The following C17orf67 variants were observed in gnomAD, a reference collection of about 807,000 sequenced individuals.
C17orf67 encodes the protein uncharacterized protein C17orf67.
In C17orf67, 12 loss-of-function variants were observed where a neutral mutation model predicts 11.2. That is an observed-to-expected ratio of 1.07 (90% CI 0.68 to 1.73). C17orf67 has a LOEUF of 1.73. Ranked by LOEUF, C17orf67 falls within the 40% of genes most tolerant of loss-of-function variation. The pLI, the probability that C17orf67 is intolerant of heterozygous loss-of-function variation, is 0.00. For missense variants in C17orf67, 115 were observed against 113.5 expected (o/e 1.01, Z -0.06); for synonymous variants, 59 against 46.9 (o/e 1.26, Z -1.05).
chr17:56,807,195 A>G (rs1051531477), intron 6 of C17orf67, among the ~76,000 whole-genome samples: 2 of 152,348 alleles, frequency 1.3e-5, no homozygotes, highest in Admixed American at 1.3e-4. Flanking sequence ...AATCCAGTAA[A>G]GGAAACCTAG....
intron 6 of C17orf67, among the ~76,000 whole-genome samples, chr17:56,805,574 AT>A (rs1436167888): frequency 6.6e-6 from 1 of 152,254 alleles, no homozygotes; most frequent in Non-Finnish European, 1.5e-5. Flanking sequence ...AATATTAAAA[AT>A]AACATGAATT....
chr17:56,806,411 A>G (rs1348274125), intron 6 of C17orf67, among the ~76,000 whole-genome samples: 1 of 152,230 alleles, frequency 6.6e-6, no homozygotes, highest in East Asian at 1.9e-4. Flanking sequence ...CACCACCTTT[A>G]ATCCTAGTCT....
intron 5 of C17orf67, 119 bp from the exon 6 acceptor site, chr17:56,815,088 C>G (rs765793406): frequency 1.5e-5 from 12 of 823,550 alleles, no homozygotes; most frequent in Non-Finnish European, 2.5e-5. Flanking sequence ...AAAGTTCTTT[C>G]CCGGGGACCT....
intron 6 of C17orf67, among the ~76,000 whole-genome samples, chr17:56,800,167 G>A (rs955473065): frequency 2.1e-5 from 3 of 143,372 alleles, no homozygotes; most frequent in African/African-American, 5.1e-5. Flanking sequence ...CCGGGTTCAC[G>A]CCATTCTCCT....
chr17:56,820,679 T>C (rs1269612875), intron 4 of C17orf67, among the ~76,000 whole-genome samples: 3 of 152,124 alleles, frequency 2.0e-5, no homozygotes, highest in Admixed American at 1.3e-4. Flanking sequence ...TGTTAACTAT[T>C]TGATAACATT....
chr17:56,814,739 G>A (rs775659589), intron 6 of C17orf67, 130 bp downstream of exon 6: 15 of 845,872 alleles, frequency 1.8e-5, no homozygotes, highest in Non-Finnish European at 2.7e-5. Flanking sequence ...TGAGATTGCA[G>A]CTATCTTCTA....
Position 56,815,908 on chromosome 17 carries a change from T to G in C17orf67, c.-98A>C. The G allele has an allele frequency of 6.3e-7, 1 of 1,594,316 alleles. No individual in the cohort carries two copies. The highest frequency in any genetic ancestry group is 8.6e-7 in the Non-Finnish European group (1 of 1,168,634). ...GCCAGGCCCTGCGCTTGTTTATGCTTTGACTAACGGGACTTACGGTATGAT... is the reference window on the plus strand; with the variant it reads ...GCCAGGCCCTGCGCTTGTTTATGCTGTGACTAACGGGACTTACGGTATGAT... On this transcript the variant is annotated 5_prime_UTR_variant, in exon 5 of 8. Transcript: ENST00000397861.
chr17:56,829,807 T>C (rs1487040647), intron 2 of C17orf67, among the ~76,000 whole-genome samples: 1 of 152,248 alleles, frequency 6.6e-6, no homozygotes, highest in Non-Finnish European at 1.5e-5. Context: ...GCCTCATCTT[T>C]TGCTCAAACT....
At chr17:56,807,902 ATAATAAAT>A (rs1905493587) in intron 6 of C17orf67, among the ~76,000 whole-genome samples, 3 of 85,654 alleles carry the variant, frequency 3.5e-5, no homozygotes, top group Admixed American at 3.3e-4. Context: ...AAATAAATAA[ATAATAAAT>A]AAATAAATAA....
At chr17:56,819,913 G>T (rs1905857872) in intron 4 of C17orf67, among the ~76,000 whole-genome samples, 1 of 152,166 alleles carries the variant, frequency 6.6e-6, no homozygotes, top group Non-Finnish European at 1.5e-5. Context: ...GGCCACTAAG[G>T]TTAATTATTC....
At chr17:56,796,624 C>A (rs1196748847) in intron 6 of C17orf67, among the ~76,000 whole-genome samples, 2 of 152,142 alleles carry the variant, frequency 1.3e-5, no homozygotes, top group African/African-American at 4.8e-5. Flanking sequence ...CTGTCATTGC[C>A]TCACTCACCC....
At chr17:56,805,875 T>C (rs764508117) in intron 6 of C17orf67, among the ~76,000 whole-genome samples, 1 of 151,810 alleles carries the variant, frequency 6.6e-6, no homozygotes, top group East Asian at 1.9e-4. Flanking sequence ...TAGAAAATTG[T>C]AGATACTTTT....
intron 4 of C17orf67, among the ~76,000 whole-genome samples, chr17:56,821,399 C>A (rs1448313706): frequency 2.0e-5 from 3 of 152,070 alleles, no homozygotes; most frequent in African/African-American, 7.2e-5. Context: ...AGTTGGTAGA[C>A]TAGACTACAG....
At chr17:56,822,113 C>T (rs1355443990) in intron 4 of C17orf67, among the ~76,000 whole-genome samples, 2 of 152,212 alleles carry the variant, frequency 1.3e-5, no homozygotes. Flanking sequence ...GAAGCAGAGC[C>T]ACATCACCTG....
At chr17:56,829,747 A>G (rs1242034839) in intron 2 of C17orf67, among the ~76,000 whole-genome samples, 1 of 152,240 alleles carries the variant, frequency 6.6e-6, no homozygotes, top group East Asian at 1.9e-4. Flanking sequence ...GCACATCAGC[A>G]AAGTCTGGAT....
chr17:56,803,959 A>AT (rs1358549902), intron 6 of C17orf67: 1 of 152,212 alleles, frequency 6.6e-6, no homozygotes, highest in East Asian at 1.9e-4. Context: ...AAAACCACAA[A>AT]TTCAACAATT....
chr17:56,819,359 C>G (rs2144140735), intron 4 of C17orf67, among the ~76,000 whole-genome samples: 1 of 152,212 alleles, frequency 6.6e-6, no homozygotes, highest in East Asian at 1.9e-4. Context: ...AAAAAGTTCC[C>G]TGCCCCCACC....
intron 6 of C17orf67, among the ~76,000 whole-genome samples, chr17:56,811,497 G>A (rs1216546706): frequency 6.6e-6 from 1 of 152,032 alleles, no homozygotes; most frequent in Non-Finnish European, 1.5e-5. Flanking sequence ...TTGCAGAGCC[G>A]CAGTCCATTG....
At chr17:56,806,742 A>G (rs563035044) in intron 6 of C17orf67, among the ~76,000 whole-genome samples, 2 of 152,340 alleles carry the variant, frequency 1.3e-5, no homozygotes, top group Admixed American at 1.3e-4. Context: ...GCAGGTTTTG[A>G]GCAGGAGAGG....
Sources: allele counts gnomAD v4.1 joint callset (sites outside exome capture counted in the v4.1 genomes callset), GRCh38; gene constraint gnomAD v4.1.1; transcripts MANE v1.5; gene names NCBI Gene and HGNC (gene_info 2026-07-23, HGNC 2026-07-21).